SLC15A2: variants seen among roughly 807,000 people sequenced by gnomAD.
SLC15A2 encodes the protein kidney H(+)/peptide cotransporter.
A neutral mutation model predicts 95.5 loss-of-function variants in SLC15A2; 77 were observed. That is an observed-to-expected ratio of 0.81 (90% CI 0.67 to 0.97). The LOEUF is 0.97. SLC15A2 is among the 50% of genes least tolerant of loss of function. The pLI is 0.00. For missense variants in SLC15A2, 893 were observed against 874.4 expected, an observed-to-expected ratio of 1.02 and a Z score of -0.27; for synonymous variants, 306 against 306.9, an observed-to-expected ratio of 1.00 and a Z score of 0.03.
intron 11 of SLC15A2, among the ~76,000 whole-genome samples, chr3:121,923,529 A>G (rs951904780): frequency 1.3e-5 from 2 of 152,208 alleles, no homozygotes; most frequent in East Asian, 3.8e-4. Flanking sequence ...AAATGATGTG[A>G]TGCGTAACCT....
At chr3:121,912,781 C>A (rs1709797088) in intron 4 of SLC15A2, among the ~76,000 whole-genome samples, 1 of 152,046 alleles carries the variant, frequency 6.6e-6, no homozygotes, top group African/African-American at 2.4e-5. Flanking sequence ...AATGGAACTA[C>A]CAGGGATGAA....
chr3:121,897,915 A>T (rs1709449928), intron 3 of SLC15A2, among the ~76,000 whole-genome samples: 1 of 152,132 alleles, frequency 6.6e-6, no homozygotes, highest in Non-Finnish European at 1.5e-5. Flanking sequence ...TAATCCCAGC[A>T]CTTTGGGAGG....
chr3:121,922,571 A>G (rs1710027676), intron 8 of SLC15A2, among the ~76,000 whole-genome samples: 1 of 152,110 alleles, frequency 6.6e-6, no homozygotes, highest in South Asian at 2.1e-4. Flanking sequence ...TTTTGTTGTT[A>G]TTTTTTGTTT....
At chr3:121,900,990 A>G (rs1709508991) in intron 3 of SLC15A2, among the ~76,000 whole-genome samples, 1 of 149,286 alleles carries the variant, frequency 6.7e-6, no homozygotes, top group Non-Finnish European at 1.5e-5. Context: ...TGTATATAAT[A>G]TGTATAATAT....
chr3:121,915,446 T>A, intron 6 of SLC15A2, 129 bp downstream of exon 6: 1 of 804,588 alleles, frequency 1.2e-6, no homozygotes, highest in Non-Finnish European at 2.1e-6. Context: ...TATTTTAGTC[T>A]TGATTTGTCT....
In SLC15A2 at chr3:121,923,090, T is replaced by C. The variant is rs140226658; in HGVS notation, c.918T>C (p.Tyr306=). The C allele has an allele frequency of 4.3e-6, 7 of 1,613,986 alleles. No homozygotes were observed. The Admixed American group carries it at 6.7e-5, about 15-fold the overall frequency. The change falls in exon 10 of 22, where the codon TAT becomes TAC. Residue 306 remains tyrosine, a synonymous_variant. Coordinates refer to ENST00000489711, the MANE Select transcript of SLC15A2 (RefSeq NM_021082.4). ...VKALTRVLFL[Y]IPLPMFWALL... is the part of the protein sequence containing the mutation. Reference sequence around the variant, plus strand: ...CACTGACCAGGGTACTATTCCTTTATATCCCATTGCCCATGTTCTGGGCTC... The same window carrying C: ...CACTGACCAGGGTACTATTCCTTTACATCCCATTGCCCATGTTCTGGGCTC...
intron 3 of SLC15A2, among the ~76,000 whole-genome samples, chr3:121,899,077 T>A (rs1008064170): frequency 6.6e-6 from 1 of 152,148 alleles, no homozygotes; most frequent in Admixed American, 6.5e-5. Context: ...AGTTGTAGAA[T>A]AAAGATTCAT....
At chr3:121,909,029 T>C (rs1709710344) in intron 3 of SLC15A2, among the ~76,000 whole-genome samples, 2 of 152,018 alleles carry the variant, frequency 1.3e-5, no homozygotes, top group South Asian at 4.1e-4. Context: ...AAAGTCACTG[T>C]TCATTTATTT....
intron 3 of SLC15A2, among the ~76,000 whole-genome samples, chr3:121,910,039 T>C (rs1433953627): frequency 1.3e-5 from 2 of 152,068 alleles, no homozygotes; most frequent in Admixed American, 6.6e-5. Context: ...GGGTTCATGA[T>C]AGCTAGCATT....
At chr3:121,931,870 T>G (rs577716847) in intron 19 of SLC15A2, 135 bp downstream of exon 19, 9 of 607,386 alleles carry the variant, frequency 1.5e-5, no homozygotes, top group African/African-American at 1.3e-4. Flanking sequence ...TAGCATAAGA[T>G]GACAGGTTCT....
chr3:121,935,918 T>C (rs1273094803), intron 19 of SLC15A2, among the ~76,000 whole-genome samples: 19 of 152,168 alleles, frequency 1.2e-4, no homozygotes, highest in South Asian at 4.1e-4. Flanking sequence ...ATAAATTTCC[T>C]TCTACACACT....
intron 21 of SLC15A2, 75 bp downstream of exon 21, chr3:121,940,563 T>C (rs1710441309): frequency 4.2e-6 from 5 of 1,201,334 alleles, no homozygotes; most frequent in Non-Finnish European, 2.4e-6. Context: ...CTTTCCCCCA[T>C]CTCTCTGCTT....
In SLC15A2 at chr3:121,942,395, T is replaced by A. The variant is rs760729736; in HGVS notation, c.*1388T>A. The A allele has an allele frequency of 5.3e-5, 8 of 152,228 alleles. No homozygotes were observed. Among genetic ancestry groups the A allele is most frequent in the Non-Finnish European group, 7.3e-5 (5 of 68,038 alleles). 9.4% of individuals were successfully genotyped at this position (152,228 alleles called of 1,614,324 possible). On this transcript the variant is annotated 3_prime_UTR_variant, in exon 22 of 22. Transcript: ENST00000489711. ...CTTCATTTCCATTGGTTTTAAAACA[T>A]TATTCTCATGTAGAACAGTGTTGGG...
chr3:121,929,543 G>A (rs895532945), intron 17 of SLC15A2, among the ~76,000 whole-genome samples, 195 bp downstream of exon 17: 26 of 152,136 alleles, frequency 1.7e-4, no homozygotes, highest in Admixed American at 1.4e-3. Context: ...ATTCGAAGAT[G>A]ACTCTATCTG....
intron 3 of SLC15A2, among the ~76,000 whole-genome samples, chr3:121,907,518 G>A (rs1202295999): frequency 6.6e-6 from 1 of 152,174 alleles, no homozygotes; most frequent in Non-Finnish European, 1.5e-5. Flanking sequence ...TGATGCTGGT[G>A]ACCTACAGAT....
chr3:121,942,071 G>T lies in SLC15A2; in HGVS notation c.*1064G>T, dbSNP rs1214161698. ...CCCATAAGTTTTAAATACCATTTCTGCCTTGAAGCCTAGAAATTTTCTTTT... is the reference window on the plus strand; with the variant it reads ...CCCATAAGTTTTAAATACCATTTCTTCCTTGAAGCCTAGAAATTTTCTTTT... On this transcript the variant is annotated 3_prime_UTR_variant, in exon 22 of 22. Coordinates refer to ENST00000489711, the MANE Select transcript of SLC15A2 (RefSeq NM_021082.4). The T allele has an allele frequency of 1.3e-5, 2 of 152,030 alleles. No homozygotes were observed. The highest frequency in any genetic ancestry group is 4.8e-5 in the African/African-American group (2 of 41,392). 9.4% of individuals were successfully genotyped at this position (152,030 alleles called of 1,614,324 possible).
At chr3:121,911,460 C>T (rs969248088) in intron 3 of SLC15A2, 114 bp from the exon 4 acceptor site, 2 of 594,554 alleles carry the variant, frequency 3.4e-6, no homozygotes, top group Admixed American at 2.7e-5. Flanking sequence ...TTTCCTCCTC[C>T]CTCCTCCTCC....
rs972729537 is a variant in SLC15A2, at chr3:121,942,986, C to G, written c.*1979C>G. 6.6e-6 allele frequency: 1 copy of G among 152,180 alleles called. No individual in the cohort carries two copies. The highest frequency in any genetic ancestry group is 1.5e-5 in the Non-Finnish European group (1 of 68,058). 9.4% of individuals were successfully genotyped at this position (152,180 alleles called of 1,614,324 possible). A position where few individuals can be genotyped will look rare whatever the true frequency, so the allele number is the denominator to read the frequency against. ...TAACAAGAATAAGTATAACAGCCGG[C>G]CAGGCACAGTGGCTCATGCCTGTAA... On this transcript the variant is annotated 3_prime_UTR_variant, in exon 22 of 22. Coordinates refer to ENST00000489711, the MANE Select transcript of SLC15A2 (RefSeq NM_021082.4).
intron 17 of SLC15A2, among the ~76,000 whole-genome samples, chr3:121,930,229 T>A (rs890581470): frequency 6.6e-6 from 1 of 152,050 alleles, no homozygotes; most frequent in Non-Finnish European, 1.5e-5. Flanking sequence ...AAAACAGAAA[T>A]GTACCAAAAC....
Sources: allele counts gnomAD v4.1 joint callset (sites outside exome capture counted in the v4.1 genomes callset), GRCh38; gene constraint gnomAD v4.1.1; transcripts MANE v1.5; gene names NCBI Gene and HGNC (gene_info 2026-07-23, HGNC 2026-07-21).